Variants in IGSF10 observed in about 807,000 individuals in gnomAD.
IGSF10 encodes immunoglobulin superfamily member 10, also known as calvaria mechanical force protein 608.
Under a neutral mutation model 128.2 loss-of-function variants are expected in IGSF10, and 126 were observed. That is an observed-to-expected ratio of 0.98 (90% CI 0.85 to 1.14). The LOEUF is 1.14. IGSF10 is among the 50% of genes most tolerant of loss of function. The pLI, the probability that IGSF10 is intolerant of heterozygous loss-of-function variation, is 0.00. For missense variants in IGSF10, 3,295 were observed against 3,149.8 expected, an observed-to-expected ratio of 1.05 and a Z score of -1.10; for synonymous variants, 1,185 against 1,146.2, an observed-to-expected ratio of 1.03 and a Z score of -0.68.
At chr3:151,434,230 T>A (rs986184180), downstream of IGSF10, 7 of 152,344 alleles carry the variant, frequency 4.6e-5, no homozygotes, top group South Asian at 2.1e-4. Flanking sequence ...CTACTTTTTT[T>A]AAAATGTAGC....
chr3:151,564,345 A>G, the IGSF10 span, among the ~76,000 whole-genome samples: 3 of 152,078 alleles, frequency 2.0e-5, no homozygotes, highest in East Asian at 1.9e-4. Flanking sequence ...CAGGGAGCCA[A>G]TTGGCAGCTT....
At chr3:151,467,538 G>A in the IGSF10 span, among the ~76,000 whole-genome samples, 1 of 152,116 alleles carries the variant, frequency 6.6e-6, no homozygotes, top group African/African-American at 2.4e-5. Context: ...AACCTGAGGA[G>A]GGTATTAAAG....
At chr3:151,463,525 T>G (rs1425434939), upstream of IGSF10, among the ~76,000 whole-genome samples, 1 of 50,532 alleles carries the variant, frequency 2.0e-5, no homozygotes, top group African/African-American at 1.0e-4. Flanking sequence ...ATTTTCTGGT[T>G]TTTTTTTTTT....
the IGSF10 span, among the ~76,000 whole-genome samples, chr3:151,599,952 T>C: frequency 6.6e-6 from 1 of 152,140 alleles, no homozygotes; most frequent in Admixed American, 6.6e-5. Flanking sequence ...CCAAGGATAT[T>C]AATGGGCTGG....
At chr3:151,455,005 C>CA (rs1484419581) in intron 4 of IGSF10, among the ~76,000 whole-genome samples, 1 of 151,294 alleles carries the variant, frequency 6.6e-6, no homozygotes, top group Non-Finnish European at 1.5e-5. Context: ...GATTCTGTCT[C>CA]AAAAAAATAA....
At chr3:151,527,951 T>C in the IGSF10 span, among the ~76,000 whole-genome samples, 1 of 116,426 alleles carries the variant, frequency 8.6e-6, no homozygotes, top group African/African-American at 3.7e-5. Context: ...AGATCCTGTC[T>C]TGAAGAAAAA....
At chr3:151,615,500 G>A in the IGSF10 span, among the ~76,000 whole-genome samples, 131 of 152,172 alleles carry the variant, frequency 8.6e-4, no homozygotes, top group African/African-American at 3.0e-3. Context: ...ATAAATTAGA[G>A]AACTCTGAAT....
At chr3:151,490,208 C>T in the IGSF10 span, among the ~76,000 whole-genome samples, 1 of 152,128 alleles carries the variant, frequency 6.6e-6, no homozygotes, top group Non-Finnish European at 1.5e-5. Flanking sequence ...ATAGTCCATG[C>T]AAATGGTAAT....
At chr3:151,495,707 G>A in the IGSF10 span, among the ~76,000 whole-genome samples, 390 of 152,150 alleles carry the variant, frequency 2.6e-3, 4 homozygotes, top group South Asian at 2.1e-3. Flanking sequence ...TGGCCAAAAG[G>A]CATCTAGCCA....
the IGSF10 span, among the ~76,000 whole-genome samples, chr3:151,510,154 T>C: frequency 1.0e-3 from 157 of 152,142 alleles, 1 homozygote; most frequent in Non-Finnish European, 1.2e-3. Flanking sequence ...CAGCTGGAGA[T>C]CTGAGAATGG....
the IGSF10 span, among the ~76,000 whole-genome samples, chr3:151,470,154 C>T: frequency 1.3e-5 from 2 of 152,288 alleles, no homozygotes; most frequent in South Asian, 4.1e-4. Context: ...CTACAGTTGC[C>T]TCAAAATTCT....
chr3:151,440,396 AT>A (rs1354322298), intron 7 of IGSF10, among the ~76,000 whole-genome samples: 1 of 151,874 alleles, frequency 6.6e-6, no homozygotes, highest in African/African-American at 2.4e-5. Context: ...ATTAGAGAAA[AT>A]TTTTTTTTCC....
chr3:151,609,244 C>G, the IGSF10 span, among the ~76,000 whole-genome samples: 1 of 152,058 alleles, frequency 6.6e-6, no homozygotes, highest in Non-Finnish European at 1.5e-5. Flanking sequence ...GGAAGGAGGT[C>G]AGCATATCTG....
the IGSF10 span, among the ~76,000 whole-genome samples, chr3:151,497,573 CTGT>C: frequency 6.6e-6 from 1 of 152,192 alleles, no homozygotes; most frequent in Non-Finnish European, 1.5e-5. Flanking sequence ...GTTTTGGTTA[CTGT>C]AGCCTTGTAG....
chr3:151,604,172 G>A, the IGSF10 span, among the ~76,000 whole-genome samples: 1 of 152,078 alleles, frequency 6.6e-6, no homozygotes, highest in Non-Finnish European at 1.5e-5. Flanking sequence ...ACACAAAGAT[G>A]ATTCTAATTA....
the IGSF10 span, among the ~76,000 whole-genome samples, chr3:151,616,692 TAA>T: frequency 3.9e-5 from 6 of 152,196 alleles, no homozygotes; most frequent in Non-Finnish European, 8.8e-5. Context: ...TTTCCACAAA[TAA>T]GTTAACTGAT....
At chr3:151,488,123 C>T in the IGSF10 span, among the ~76,000 whole-genome samples, 33 of 152,270 alleles carry the variant, frequency 2.2e-4, no homozygotes, top group African/African-American at 6.7e-4. Context: ...TAAGCAACTT[C>T]AGCAAAGTCC....
At chr3:151,479,978 T>TA in the IGSF10 span, among the ~76,000 whole-genome samples, 4 of 151,712 alleles carry the variant, frequency 2.6e-5, no homozygotes, top group East Asian at 1.9e-4. Context: ...TCATTACTTT[T>TA]ATCACACTTT....
chr3:151,613,545 G>A, the IGSF10 span, among the ~76,000 whole-genome samples: 1 of 152,126 alleles, frequency 6.6e-6, no homozygotes, highest in Non-Finnish European at 1.5e-5. Flanking sequence ...TCTGATCTTT[G>A]ACAAACCTGA....
Sources: allele counts gnomAD v4.1 joint callset (sites outside exome capture counted in the v4.1 genomes callset), GRCh38; gene constraint gnomAD v4.1.1; transcripts MANE v1.5; gene names NCBI Gene and HGNC (gene_info 2026-07-23, HGNC 2026-07-21).